The following CCND3 variants were observed in gnomAD, a reference collection of about 807,000 sequenced individuals.
CCND3 encodes the protein G1/S-specific cyclin-D3.
CCND3 carries 9 observed loss-of-function variants against 28.7 expected under a neutral mutation model. The ratio of observed to expected loss-of-function variants is 0.31; its 90% CI spans 0.19 to 0.55. The LOEUF is 0.55. CCND3 is among the 20% of genes least tolerant of loss of function. The probability of loss-of-function intolerance (pLI) is 0.93; values close to 1 mark genes in which losing one functional copy is unlikely to be tolerated. For synonymous variants in CCND3, 164 were observed against 163.9 expected, an observed-to-expected ratio of 1.00 and a Z score of 0.00; for missense variants, 315 against 385.8, an observed-to-expected ratio of 0.82 and a Z score of 1.54.
chr6:41,941,429 A>G lies in CCND3; in HGVS notation c.198+23T>C. The G allele has an allele frequency of 1.2e-6, 2 of 1,604,584 alleles. No individual in the cohort carries two copies. The highest frequency in any genetic ancestry group is 1.1e-5 in the South Asian group (1 of 90,272). On this transcript the variant is annotated intron_variant, in intron 1 of 4. Transcript: ENST00000372991. This position sits in a 1 kb window ranked among gnomAD's most constrained non-coding sequence, Gnocchi z 6.1. Reference sequence around the variant, plus strand: ...TGTCCAGACCCGGGAGCGGTGGGGGAGGGGGACGCGTCCGGGCGGTACCTC... The same window carrying G: ...TGTCCAGACCCGGGAGCGGTGGGGGGGGGGGACGCGTCCGGGCGGTACCTC...
In CCND3 at chr6:41,936,577, C is replaced by T. The variant is rs1261759366; in HGVS notation, c.693G>A (p.Gly231=). The change falls in exon 4 of 5, where the codon GGG becomes GGA. Residue 231 remains glycine (G), a synonymous_variant. Transcript: ENST00000372991. The surrounding 1 kb of genome is among the most constrained non-coding windows in gnomAD (Gnocchi z 4.4). The stretch of plus-strand genomic sequence containing the variant: ...CACTCACCACTTCAGTGCCAGTGAT[C>T]CCTGCCAGCAGCTCTGTGAGCTCAT... ...SGDELTELLA[G]ITGTEVDCLR... 6.2e-7 allele frequency: 1 copy of T among 1,614,178 alleles called. No homozygotes were observed. Among genetic ancestry groups the T allele is most frequent in the Non-Finnish European group, 8.5e-7 (1 of 1,180,020 alleles).
intron 1 of CCND3, among the ~76,000 whole-genome samples, chr6:41,997,243 A>G (rs771790853): frequency 3.3e-5 from 5 of 152,218 alleles, no homozygotes; most frequent in Non-Finnish European, 7.3e-5. Flanking sequence ...GACCCATGTC[A>G]TAATGCACCT....
chr6:41,970,581 C>A (rs1319585418), intron 1 of CCND3, among the ~76,000 whole-genome samples: 2 of 152,082 alleles, frequency 1.3e-5, no homozygotes, highest in Non-Finnish European at 2.9e-5. Context: ...TATTAACAAC[C>A]TCACTTCCTC....
At chr6:41,940,979 G>C in intron 1 of CCND3, 3 of 1,612,930 alleles carry the variant, frequency 1.9e-6, no homozygotes, top group Non-Finnish European at 2.5e-6. Flanking sequence ...GGCTCCTGCC[G>C]CTGCCTCCTG....
In CCND3 at chr6:42,037,169, T is replaced by C. The variant is rs148391256; in HGVS notation, c.-46+11332A>G. Reference sequence around the variant, plus strand: ...GTTAGCCAGGATGGTCTCGATCTCCTGACCTCGTGATCCACCCGCCTTGGC... The same window carrying C: ...GTTAGCCAGGATGGTCTCGATCTCCCGACCTCGTGATCCACCCGCCTTGGC... On this transcript the variant is annotated intron_variant, in intron 1 of 4. Transcript: ENST00000372988. Among the ~76,000 whole-genome samples the C allele has an allele frequency of 3.0e-3, 451 of 151,802 alleles. 9 individuals carry two copies. In the East Asian group the frequency reaches 0.06, roughly 20 times the overall value.
Position 42,048,632 on chromosome 6 carries a change from C to G in CCND3, c.-177G>C. On this transcript the variant is annotated 5_prime_UTR_variant, in exon 1 of 5. Coordinates refer to the CCND3 transcript ENST00000372988. This position sits in a 1 kb window ranked among gnomAD's most constrained non-coding sequence, Gnocchi z 4.7. ...CCGCGAGGAGAGGATTGCACCTCTCCCCCCCGGCCGGCATCCGAACAGAGC... is the reference window on the plus strand; with the variant it reads ...CCGCGAGGAGAGGATTGCACCTCTCGCCCCCGGCCGGCATCCGAACAGAGC... 1 of 518,148 alleles carries G rather than the reference C, an allele frequency of 1.9e-6. No individual in the cohort carries two copies. The allele number at this position is 518,148 out of a possible 1,614,324, so 32.1% of individuals were successfully genotyped here. A position where few individuals can be genotyped will look rare whatever the true frequency, so the allele number is the denominator to read the frequency against.
At chr6:42,024,793 T>C (rs954799271) in intron 1 of CCND3, among the ~76,000 whole-genome samples, 1 of 152,102 alleles carries the variant, frequency 6.6e-6, no homozygotes, top group Non-Finnish European at 1.5e-5. Context: ...GCGCAGTGGC[T>C]CATGCCTGTA....
intron 1 of CCND3, among the ~76,000 whole-genome samples, chr6:41,955,276 T>C (rs183891652): frequency 6.6e-6 from 1 of 152,150 alleles, no homozygotes; most frequent in South Asian, 2.1e-4. Context: ...ATTACACTTA[T>C]GAACATGGAT....
intron 1 of CCND3, among the ~76,000 whole-genome samples, chr6:42,045,341 A>G (rs944879061): frequency 2.0e-5 from 3 of 152,206 alleles, no homozygotes; most frequent in Non-Finnish European, 4.4e-5. Flanking sequence ...TAGCTAAATT[A>G]CTTTGAGCAA....
In CCND3 at chr6:41,935,604, G is replaced by C. The variant is rs1303668376; in HGVS notation, c.*336C>G. 2.2e-6 allele frequency: 1 copy of C among 454,958 alleles called. No individual in the cohort carries two copies. The highest frequency in any genetic ancestry group is 3.9e-6 in the Non-Finnish European group (1 of 256,316). 28.2% of individuals were successfully genotyped at this position (454,958 alleles called of 1,614,324 possible). On this transcript the variant is annotated 3_prime_UTR_variant, in exon 5 of 5. Transcript: ENST00000372991. ...AGCATTTTGGCAGTTGAAAACATGA[G>C]AGCCCCCAGGGGTGGGGGGGGGCGT...
intron 1 of CCND3, among the ~76,000 whole-genome samples, chr6:42,027,447 A>AG (rs1763910829): frequency 2.7e-5 from 1 of 36,896 alleles, no homozygotes; most frequent in Non-Finnish European, 6.1e-5. Flanking sequence ...CTCAAAAAAA[A>AG]AAAAAAAAAA....
intron 1 of CCND3, among the ~76,000 whole-genome samples, chr6:42,007,638 G>T (rs1385013454): frequency 6.6e-6 from 1 of 152,124 alleles, no homozygotes; most frequent in Admixed American, 6.6e-5. Flanking sequence ...ATACATAGGC[G>T]GGCTTATAAA....
At chr6:42,008,454 C>T (rs1763243142) in intron 1 of CCND3, among the ~76,000 whole-genome samples, 1 of 152,204 alleles carries the variant, frequency 6.6e-6, no homozygotes, top group Non-Finnish European at 1.5e-5. Context: ...AGTGACAGAA[C>T]CCTCAGCCTA....
intron 1 of CCND3, among the ~76,000 whole-genome samples, chr6:42,030,755 C>T (rs1026216131): frequency 6.6e-6 from 1 of 152,222 alleles, no homozygotes; most frequent in African/African-American, 2.4e-5. Flanking sequence ...CCCTTTCCAT[C>T]TGCCTCCGGC....
At chr6:42,047,597 G>A (rs72855233) in intron 1 of CCND3, among the ~76,000 whole-genome samples, 8,144 of 152,200 alleles carry the variant, frequency 0.054, 287 homozygotes, top group Middle Eastern at 0.095. Flanking sequence ...TACCCAGCTG[G>A]GAATTCCTGG....
intron 1 of CCND3, among the ~76,000 whole-genome samples, chr6:41,960,518 A>G (rs1253190286): frequency 6.6e-6 from 1 of 152,180 alleles, no homozygotes; most frequent in East Asian, 1.9e-4. Flanking sequence ...GAAGTTGACA[A>G]ACCTGGGTGT....
chr6:42,041,570 T>C (rs1282721676), intron 1 of CCND3, among the ~76,000 whole-genome samples: 1 of 152,028 alleles, frequency 6.6e-6, no homozygotes, highest in Non-Finnish European at 1.5e-5. Context: ...GAAAAGACAA[T>C]GGAGCTGGGA....
chr6:41,956,256 C>T (rs1222735826), intron 1 of CCND3, among the ~76,000 whole-genome samples: 2 of 152,008 alleles, frequency 1.3e-5, no homozygotes, highest in Non-Finnish European at 2.9e-5. Flanking sequence ...TGTGCCACTG[C>T]ACCCCAGCCT....
At chr6:41,988,539 A>G (rs1400488808) in intron 1 of CCND3, among the ~76,000 whole-genome samples, 1 of 152,064 alleles carries the variant, frequency 6.6e-6, no homozygotes, top group Non-Finnish European at 1.5e-5. Flanking sequence ...TGTATTCACA[A>G]TACTGTTCCT....
Sources: allele counts gnomAD v4.1 joint callset (sites outside exome capture counted in the v4.1 genomes callset), GRCh38; gene constraint gnomAD v4.1.1; non-coding constraint Gnocchi (gnomAD v3.1); transcripts MANE v1.5; gene names NCBI Gene and HGNC (gene_info 2026-07-23, HGNC 2026-07-21).